The following EPHA6 variants were observed in gnomAD, a reference collection of about 807,000 sequenced individuals.
The protein encoded by EPHA6 is EPH receptor A6.
Under a neutral mutation model 112.0 loss-of-function variants are expected in EPHA6, and 50 were observed. That is an observed-to-expected ratio of 0.45 (90% CI 0.36 to 0.56). The LOEUF is 0.56. Among genes scored for constraint, EPHA6 ranks in the 20% least tolerant of loss-of-function variants. EPHA6 has a pLI of 0.00. For missense variants in EPHA6, 1,280 were observed against 1,417.4 expected (o/e 0.90, Z 1.56); for synonymous variants, 529 against 490.7 (o/e 1.08, Z -1.03).
At chr3:97,405,882 A>G (rs1377854231) in intron 6 of EPHA6, among the ~76,000 whole-genome samples, 1 of 152,032 alleles carries the variant, frequency 6.6e-6, no homozygotes, top group Non-Finnish European at 1.5e-5. Flanking sequence ...ATATTTCCCC[A>G]TTATATACTT....
chr3:97,114,709 T>A (rs182662497), intron 3 of EPHA6, among the ~76,000 whole-genome samples: 3 of 152,060 alleles, frequency 2.0e-5, no homozygotes, highest in Non-Finnish European at 4.4e-5. Context: ...AAATGTCTTT[T>A]TTGCTGTGAG....
chr3:97,356,552 G>A (rs1027429788), intron 5 of EPHA6, among the ~76,000 whole-genome samples: 2 of 151,658 alleles, frequency 1.3e-5, no homozygotes, highest in East Asian at 1.9e-4. Context: ...TTTCTTTCTT[G>A]ATACATTGAT....
At chr3:97,555,115 G>A (rs993999150) in intron 11 of EPHA6, among the ~76,000 whole-genome samples, 11 of 135,190 alleles carry the variant, frequency 8.1e-5, no homozygotes, top group Non-Finnish European at 1.3e-4. Context: ...AGAGTGTGAT[G>A]TTCCCCTTCC....
intron 3 of EPHA6, among the ~76,000 whole-genome samples, chr3:97,142,768 A>G (rs1455469952): frequency 6.6e-6 from 1 of 151,948 alleles, no homozygotes; most frequent in Non-Finnish European, 1.5e-5. Flanking sequence ...AAAGCATTCA[A>G]TAAAATTCAA....
At chr3:97,213,655 T>C (rs1247414054) in intron 3 of EPHA6, among the ~76,000 whole-genome samples, 1 of 148,558 alleles carries the variant, frequency 6.7e-6, no homozygotes, top group Non-Finnish European at 1.5e-5. Flanking sequence ...GGTAAACTTA[T>C]CATCAGCCCA....
chr3:97,517,383 G>A (rs2092463813), intron 10 of EPHA6, among the ~76,000 whole-genome samples: 1 of 151,870 alleles, frequency 6.6e-6, no homozygotes, highest in South Asian at 2.1e-4. Flanking sequence ...AAGAAGCAGG[G>A]GTTTGCTCTA....
chr3:97,071,018 A>G (rs1014293297), intron 3 of EPHA6, among the ~76,000 whole-genome samples: 2 of 152,118 alleles, frequency 1.3e-5, no homozygotes, highest in Non-Finnish European at 2.9e-5. Flanking sequence ...CATTTTCCCC[A>G]AAGTATCCCA....
At chr3:97,275,871 TG>T (rs1559845690) in intron 5 of EPHA6, among the ~76,000 whole-genome samples, 4 of 151,662 alleles carry the variant, frequency 2.6e-5, no homozygotes, top group Admixed American at 2.6e-4. Context: ...GGCTTTGAAC[TG>T]GGGGGAAAGG....
intron 2 of EPHA6, among the ~76,000 whole-genome samples, chr3:96,984,014 C>T (rs996051331): frequency 2.6e-5 from 4 of 152,116 alleles, no homozygotes; most frequent in Non-Finnish European, 4.4e-5. Flanking sequence ...TTCTTTAGCT[C>T]GGAGAAGTTT....
intron 5 of EPHA6, among the ~76,000 whole-genome samples, chr3:97,354,323 T>A: frequency 6.6e-6 from 1 of 152,132 alleles, no homozygotes; most frequent in East Asian, 1.9e-4. Flanking sequence ...ATCTGTGACC[T>A]TTCAGACAGA....
intron 3 of EPHA6, chr3:97,010,154 G>C (rs574497354): frequency 8.6e-7 from 1 of 1,157,800 alleles, no homozygotes; most frequent in Admixed American, 2.9e-5. Flanking sequence ...TTTTTATTTT[G>C]TTGTGTTTTC....
chr3:97,182,642 T>A (rs2077020916), intron 3 of EPHA6, among the ~76,000 whole-genome samples: 1 of 152,112 alleles, frequency 6.6e-6, no homozygotes, highest in African/African-American at 2.4e-5. Context: ...TCAGTCTAGT[T>A]TCAATCAGTC....
At chr3:97,441,576 G>A (rs2090139121) in intron 6 of EPHA6, 1 of 279,638 alleles carries the variant, frequency 3.6e-6, no homozygotes, top group African/African-American at 2.3e-5. Context: ...GCAATATTAT[G>A]CTAAAGCATT....
chr3:96,919,496 A>G (rs985593139), intron 2 of EPHA6, among the ~76,000 whole-genome samples: 3 of 151,910 alleles, frequency 2.0e-5, no homozygotes, highest in Admixed American at 6.6e-5. Context: ...TTGCTTAAAA[A>G]TGACTCATTT....
intron 2 of EPHA6, among the ~76,000 whole-genome samples, chr3:96,870,527 C>G (rs568493413): frequency 2.4e-4 from 37 of 152,176 alleles, no homozygotes; most frequent in African/African-American, 8.2e-4. Flanking sequence ...CAGAAACATC[C>G]TTACACACAC....
intron 10 of EPHA6, among the ~76,000 whole-genome samples, chr3:97,529,376 C>G (rs546810850): frequency 6.6e-6 from 1 of 152,036 alleles, no homozygotes; most frequent in East Asian, 1.9e-4. Context: ...AGACCTGACA[C>G]AGGATAACAC....
intron 3 of EPHA6, among the ~76,000 whole-genome samples, chr3:97,154,122 G>A (rs1157754469): frequency 1.3e-5 from 2 of 150,750 alleles, no homozygotes; most frequent in South Asian, 2.1e-4. Flanking sequence ...CCGAGATCAT[G>A]CCATTGCACC....
chr3:97,587,279 A>T (rs573838806), intron 11 of EPHA6, among the ~76,000 whole-genome samples: 10 of 152,114 alleles, frequency 6.6e-5, no homozygotes, highest in African/African-American at 2.4e-4. Flanking sequence ...CTGAATGCAG[A>T]CACTCTATTC....
rs28590533 is a variant in EPHA6 at position 97,324,551 on chromosome 3, T to C, written c.1606+80264T>C. ...TTTCTTTCTCTCTTTCTCTCTTTCT[T>C]TCTTTCGATGGAGCTTCGCTCTTTT... On this transcript the variant is annotated intron_variant, in intron 5 of 17. Transcript: ENST00000389672. 1.7e-4 allele frequency among the ~76,000 whole-genome samples: 8 copies of C among 46,318 alleles called. No individual in the cohort carries two copies. In the East Asian group the frequency reaches 2.0e-3, roughly 12 times the overall value. The allele number at this position is 46,318 out of a possible 152,430, so 30.4% of individuals were successfully genotyped here. A position where few individuals can be genotyped will look rare whatever the true frequency, so the allele number is the denominator to read the frequency against.
Sources: allele counts gnomAD v4.1 joint callset (sites outside exome capture counted in the v4.1 genomes callset), GRCh38; gene constraint gnomAD v4.1.1; transcripts MANE v1.5; gene names NCBI Gene and HGNC (gene_info 2026-07-23, HGNC 2026-07-21).